Variants in TENM3 observed in about 807,000 individuals in gnomAD.
TENM3 encodes teneurin transmembrane protein 3, also known as teneurin-3.
TENM3 carries 63 observed loss-of-function variants against 255.1 expected under a neutral mutation model. The ratio of observed to expected loss-of-function variants is 0.25; its 90% CI spans 0.20 to 0.30. The LOEUF is 0.30. Among genes scored for constraint, TENM3 ranks in the 10% least tolerant of loss-of-function variants. The probability of loss-of-function intolerance (pLI) is 1.00; values close to 1 mark genes in which losing one functional copy is unlikely to be tolerated. For synonymous variants in TENM3, 1,306 were observed against 1,322.3 expected, an observed-to-expected ratio of 0.99 and a Z score of 0.27; for missense variants, 2,929 against 3,461.1, an observed-to-expected ratio of 0.85 and a Z score of 3.86.
intron 22 of TENM3, chr4:182,772,483 A>C (rs571699779): frequency 6.6e-6 from 1 of 152,184 alleles, no homozygotes; most frequent in Admixed American, 6.5e-5. Flanking sequence ...TCTTAGAATC[A>C]ATCTGAAATC....
At chr4:182,628,093 A>G (rs911338096) in intron 4 of TENM3, among the ~76,000 whole-genome samples, 6 of 152,168 alleles carry the variant, frequency 3.9e-5, no homozygotes, top group Admixed American at 2.6e-4. Flanking sequence ...AGCTGCCTGT[A>G]ACCGAACTTG....
chr4:181,726,201 T>C, the TENM3 span, among the ~76,000 whole-genome samples: 1 of 152,168 alleles, frequency 6.6e-6, no homozygotes, highest in African/African-American at 2.4e-5. Flanking sequence ...AATTTATTCA[T>C]TCAAAAATAA....
the TENM3 span, among the ~76,000 whole-genome samples, chr4:181,556,578 T>C: frequency 1.3e-5 from 2 of 152,296 alleles, no homozygotes; most frequent in East Asian, 3.9e-4. Context: ...CTATTACAAC[T>C]AGTTTTTAAT....
intron 1 of TENM3, among the ~76,000 whole-genome samples, chr4:182,151,398 A>G (rs979631847): frequency 1.3e-5 from 2 of 152,142 alleles, no homozygotes; most frequent in African/African-American, 4.8e-5. Context: ...TTCTTTTTAA[A>G]GAGTAACATC....
At chr4:181,990,801 C>T in the TENM3 span, among the ~76,000 whole-genome samples, 2 of 152,076 alleles carry the variant, frequency 1.3e-5, no homozygotes, top group African/African-American at 4.8e-5. Flanking sequence ...AACCCCGGAA[C>T]TCCTAATTTA....
the TENM3 span, among the ~76,000 whole-genome samples, chr4:181,488,807 G>C: frequency 6.6e-6 from 1 of 152,144 alleles, no homozygotes; most frequent in Non-Finnish European, 1.5e-5. Flanking sequence ...GCACACAGCA[G>C]AGAGTGTCTG....
At chr4:182,487,816 G>A (rs956234911) in intron 3 of TENM3, among the ~76,000 whole-genome samples, 5 of 152,096 alleles carry the variant, frequency 3.3e-5, no homozygotes, top group African/African-American at 1.2e-4. Flanking sequence ...TTTATTCTCA[G>A]GTCCAGTGGG....
intron 3 of TENM3, among the ~76,000 whole-genome samples, chr4:182,457,251 GA>G (rs1257667080): frequency 1.3e-5 from 2 of 150,846 alleles, no homozygotes; most frequent in Non-Finnish European, 2.9e-5. Context: ...TTTTTCCTGA[GA>G]AAATGAATAG....
intron 20 of TENM3, 97 bp downstream of exon 20, chr4:182,752,129 T>C (rs1051490002): frequency 1.5e-5 from 12 of 787,032 alleles, no homozygotes; most frequent in African/African-American, 4.0e-5. Flanking sequence ...TGTTTAATGC[T>C]GAGTCTAACT....
the TENM3 span, among the ~76,000 whole-genome samples, chr4:182,118,519 A>G: frequency 1.3e-5 from 2 of 152,174 alleles, no homozygotes; most frequent in Middle Eastern, 3.4e-3. Flanking sequence ...GGCCCCAAGC[A>G]TCCCACCCTT....
chr4:182,628,853 T>G lies in TENM3; in HGVS notation c.952T>G (p.Ser318Ala), dbSNP rs2152469972. Residue 318 changes from serine to alanine, a missense_variant, in exon 5 of 28, where the codon TCG (serine) becomes GCG (alanine). Ser to Ala is a moderately conservative substitution (Grantham distance 99). Transcript: ENST00000511685. Reference protein sequence around the residue: ...KCTALCAVGVSVLLAILLSYF... With the variant: ...KCTALCAVGVAVLLAILLSYF... ...CACTGCACTGTGTGCCGTAGGGGTC[T>G]CGGTGCTCCTGGCAATACTCCTGTC... 6.2e-7 allele frequency: 1 copy of G among 1,608,348 alleles called. No individual in the cohort carries two copies. The highest frequency in any genetic ancestry group is 1.1e-5 in the South Asian group (1 of 89,710).
chr4:181,594,813 C>T, the TENM3 span, among the ~76,000 whole-genome samples: 2 of 152,152 alleles, frequency 1.3e-5, no homozygotes, highest in African/African-American at 4.8e-5. Flanking sequence ...TTGCTTTCTT[C>T]CCCAACACCC....
the TENM3 span, among the ~76,000 whole-genome samples, chr4:182,004,580 G>T: frequency 1.3e-5 from 2 of 152,118 alleles, no homozygotes; most frequent in African/African-American, 4.8e-5. Flanking sequence ...ATTCCTTTGG[G>T]TATATACCCA....
At chr4:181,494,944 A>C in the TENM3 span, among the ~76,000 whole-genome samples, 69,574 of 151,680 alleles carry the variant, frequency 0.46, 16,500 homozygotes, top group Non-Finnish European at 0.53. Context: ...ATTCCCACCT[A>C]CTTCATCTTG....
intron 3 of TENM3, among the ~76,000 whole-genome samples, chr4:182,595,510 A>G (rs1747117556): frequency 6.6e-6 from 1 of 152,168 alleles, no homozygotes; most frequent in Non-Finnish European, 1.5e-5. Flanking sequence ...TTTATTATCT[A>G]ATCTCTATGA....
At chr4:182,431,032 TAAATAAAC>T (rs765980797) in intron 3 of TENM3, among the ~76,000 whole-genome samples, 2,487 of 100,292 alleles carry the variant, frequency 0.025, 57 homozygotes, top group African/African-American at 0.08. Context: ...AATAAATAAA[TAAATAAAC>T]AAACAAACAA....
chr4:182,191,510 A>T (rs1753516090), intron 1 of TENM3, among the ~76,000 whole-genome samples: 1 of 152,036 alleles, frequency 6.6e-6, no homozygotes, highest in Non-Finnish European at 1.5e-5. Context: ...CCTTCTCCTT[A>T]CGTACATGTT....
the TENM3 span, among the ~76,000 whole-genome samples, chr4:181,578,053 A>G: frequency 6.6e-6 from 1 of 152,108 alleles, no homozygotes; most frequent in East Asian, 1.9e-4. Flanking sequence ...AGGCCAGTGC[A>G]CTAAACTGTG....
intron 3 of TENM3, among the ~76,000 whole-genome samples, chr4:182,405,891 C>G (rs1019241047): frequency 2.0e-5 from 3 of 152,154 alleles, no homozygotes; most frequent in Non-Finnish European, 4.4e-5. Context: ...CACAAGCAGG[C>G]TTGGGTCGGG....
Sources: gnomAD v4.1 joint callset for allele counts (sites outside exome capture counted in the v4.1 genomes callset) on GRCh38, gnomAD v4.1.1 for gene constraint, MANE v1.5 for transcripts, NCBI Gene and HGNC (gene_info 2026-07-23, HGNC 2026-07-21) for gene names.